The following GARNL3 variants were observed in gnomAD, a reference collection of about 807,000 sequenced individuals.
GARNL3 encodes GTPase-activating Rap/Ran-GAP domain-like protein 3.
Under a neutral mutation model 125.0 loss-of-function variants are expected in GARNL3, and 63 were observed. That is an observed-to-expected ratio of 0.50 (90% CI 0.41 to 0.62). The LOEUF is 0.62. Ranked by LOEUF, GARNL3 falls within the 20% of genes least tolerant of loss-of-function variation. The probability of loss-of-function intolerance (pLI) is 0.00; values close to 1 mark genes in which losing one functional copy is unlikely to be tolerated. For missense variants in GARNL3, 994 were observed against 1,244.0 expected, an observed-to-expected ratio of 0.80 and a Z score of 3.02; for synonymous variants, 439 against 457.5, an observed-to-expected ratio of 0.96 and a Z score of 0.52.
At chr9:127,227,696 C>T (rs1304057776) in intron 1 of GARNL3, among the ~76,000 whole-genome samples, 4 of 151,992 alleles carry the variant, frequency 2.6e-5, no homozygotes, top group East Asian at 1.9e-4. Context: ...GCACGGGGAC[C>T]GCTTGAGGCC....
At chr9:127,391,821 CG>C (rs1441720240) in intron 27 of GARNL3, among the ~76,000 whole-genome samples, 4 of 151,930 alleles carry the variant, frequency 2.6e-5, no homozygotes, top group Admixed American at 2.6e-4. Context: ...CAGCATCACA[CG>C]TCAATGAATA....
At chr9:127,243,790 G>A (rs2063245217) in intron 2 of GARNL3, among the ~76,000 whole-genome samples, 1 of 152,134 alleles carries the variant, frequency 6.6e-6, no homozygotes, top group Non-Finnish European at 1.5e-5. Context: ...CCTATAGGGT[G>A]GTAACTGTGT....
intron 2 of GARNL3, among the ~76,000 whole-genome samples, chr9:127,306,476 C>T (rs1240732492): frequency 6.6e-6 from 1 of 152,094 alleles, no homozygotes; most frequent in Non-Finnish European, 1.5e-5. Context: ...GCCTGTAATC[C>T]CAACACTTTG....
At position 127,344,319 on chromosome 9, in the gene GARNL3, G is replaced by T. The variant is rs754138249; in HGVS notation, c.1336G>T (p.Glu446Ter). 6.2e-7 allele frequency: 1 copy of T among 1,613,572 alleles called. No homozygotes were observed. Among genetic ancestry groups the T allele is most frequent in the Admixed American group, 1.7e-5 (1 of 60,032 alleles). ...ARKKEEARQA[E>*]FVRIGQALKL... is the part of the protein sequence containing the mutation. ...GAAGAAAGAGGAGGCCCGCCAGGCGGAGTTTGTTAGAATAGGGCAGGTGGG... is the reference window on the plus strand; with the variant it reads ...GAAGAAAGAGGAGGCCCGCCAGGCGTAGTTTGTTAGAATAGGGCAGGTGGG... The change falls in exon 15 of 28, where the codon GAG becomes TAG. Residue 446 changes from glutamate to a stop codon, truncating the protein, a stop_gained. Transcript: ENST00000373387. LOFTEE classifies it high-confidence loss of function.
intron 15 of GARNL3, among the ~76,000 whole-genome samples, chr9:127,344,905 T>TTGATCA (rs1490415376): frequency 3.9e-5 from 6 of 152,176 alleles, no homozygotes; most frequent in Non-Finnish European, 8.8e-5. Context: ...GCTGTCTGCC[T>TTGATCA]TGATCACACA....
At chr9:127,373,656 A>T (rs542620079) in intron 22 of GARNL3, among the ~76,000 whole-genome samples, 2 of 152,240 alleles carry the variant, frequency 1.3e-5, no homozygotes, top group African/African-American at 4.8e-5. Flanking sequence ...GGTTGCAGAG[A>T]TAAGACATGG....
At chr9:127,361,062 T>C (rs1830970484) in intron 21 of GARNL3, among the ~76,000 whole-genome samples, 1 of 152,184 alleles carries the variant, frequency 6.6e-6, no homozygotes, top group South Asian at 2.1e-4. Context: ...GGTCCTCATC[T>C]TGACGTCTGC....
At chr9:127,244,099 G>C (rs1023349614) in intron 2 of GARNL3, among the ~76,000 whole-genome samples, 1 of 152,228 alleles carries the variant, frequency 6.6e-6, no homozygotes, top group Non-Finnish European at 1.5e-5. Context: ...ATTTATGCCT[G>C]AGACCTGCCC....
chr9:127,318,260 C>A, intron 5 of GARNL3, 133 bp downstream of exon 5: 1 of 701,852 alleles, frequency 1.4e-6, no homozygotes, highest in Non-Finnish European at 2.6e-6. Flanking sequence ...TTGCTAAGCA[C>A]TTGACATGAC....
chr9:127,312,391 C>T (rs912539817), intron 3 of GARNL3, among the ~76,000 whole-genome samples: 1 of 152,070 alleles, frequency 6.6e-6, no homozygotes, highest in Non-Finnish European at 1.5e-5. Context: ...GAGTGCATAT[C>T]TAGTAGGTTT....
chr9:127,263,922 G>A, upstream of GARNL3: 1 of 1,494,170 alleles, frequency 6.7e-7, no homozygotes, highest in Non-Finnish European at 8.9e-7. Flanking sequence ...CTAAACATCA[G>A]AGTCAGTCTC....
chr9:127,245,209 C>G (rs1008082907), intron 2 of GARNL3: 1 of 152,304 alleles, frequency 6.6e-6, no homozygotes, highest in African/African-American at 2.4e-5. Context: ...CGCAGTGCAC[C>G]GCGCGGGTGA....
intron 1 of GARNL3, among the ~76,000 whole-genome samples, chr9:127,277,283 A>G (rs2131316398): frequency 6.6e-6 from 1 of 152,086 alleles, no homozygotes; most frequent in African/African-American, 2.4e-5. Flanking sequence ...GTTTGCTTCT[A>G]TGTAGTCCTT....
intron 2 of GARNL3, among the ~76,000 whole-genome samples, chr9:127,256,388 G>A (rs1029645925): frequency 9.9e-5 from 15 of 152,184 alleles, no homozygotes; most frequent in Non-Finnish European, 5.9e-5. Context: ...ACCCACACCC[G>A]AAGACTGCAT....
chr9:127,296,935 C>A (rs1168717450), intron 2 of GARNL3, among the ~76,000 whole-genome samples: 1 of 152,064 alleles, frequency 6.6e-6, no homozygotes, highest in Non-Finnish European at 1.5e-5. Flanking sequence ...TAGGAGCCCC[C>A]TGTGAGTCCC....
intron 20 of GARNL3, 127 bp downstream of exon 20, chr9:127,355,599 C>A: frequency 4.9e-6 from 4 of 816,246 alleles, no homozygotes; most frequent in Non-Finnish European, 8.2e-6. Flanking sequence ...GGGAAACCCT[C>A]ATCTCTGGTG....
In GARNL3 at chr9:127,325,056, C is replaced by G. The variant is rs754758080; in HGVS notation, c.568-13C>G. On this transcript the variant is annotated splice_polypyrimidine_tract_variant and intron_variant, in intron 6 of 27. Transcript: ENST00000373387. ...TTATGCCTGGATGTAACTTTTAAAA[C>G]TTTATTTGACAGGACTTGCTGGTTC... 2.9e-5 allele frequency: 47 copies of G among 1,612,608 alleles called. No individual in the cohort carries two copies. Among genetic ancestry groups the G allele is most frequent in the Non-Finnish European group, 3.3e-5 (39 of 1,178,956 alleles).
intron 23 of GARNL3, 109 bp downstream of exon 23, chr9:127,383,654 A>T (rs541039261): frequency 4.6e-6 from 3 of 652,346 alleles, no homozygotes; most frequent in Admixed American, 5.9e-5. Context: ...ATTGCTATAA[A>T]TTATACGCGT....
chr9:127,263,584 A>G (rs1383277095), upstream of GARNL3: 5 of 624,426 alleles, frequency 8.0e-6, no homozygotes, highest in East Asian at 5.4e-4. Flanking sequence ...TAGAGGACAT[A>G]TTTAATACAG....
Sources: gnomAD v4.1 joint callset for allele counts (sites outside exome capture counted in the v4.1 genomes callset) on GRCh38, gnomAD v4.1.1 for gene constraint, MANE v1.5 for transcripts, NCBI Gene and HGNC (gene_info 2026-07-23, HGNC 2026-07-21) for gene names.